The following SCN10A variants were observed in gnomAD, a reference collection of about 807,000 sequenced individuals.
The protein encoded by SCN10A is sodium channel protein type 10 subunit alpha.
SCN10A carries 162 observed loss-of-function variants against 170.7 expected under a neutral mutation model. The ratio of observed to expected loss-of-function variants is 0.95; its 90% CI spans 0.84 to 1.08. SCN10A has a LOEUF of 1.08. SCN10A is among the 50% of genes least tolerant of loss of function. The pLI is 0.00. For missense variants in SCN10A, 2,527 were observed against 2,436.9 expected (o/e 1.04, Z -0.78); for synonymous variants, 985 against 904.6 (o/e 1.09, Z -1.59).
chr3:38,760,804 C>A, intron 7 of SCN10A, 57 bp from the exon 8 acceptor site: 1 of 1,411,422 alleles, frequency 7.1e-7, no homozygotes, highest in Non-Finnish European at 1.0e-6. Flanking sequence ...CCAACCCAAG[C>A]CTTGTGTGGT....
intron 13 of SCN10A, 76 bp downstream of exon 13, chr3:38,749,997 A>G: frequency 1.1e-5 from 9 of 788,936 alleles, no homozygotes; most frequent in Non-Finnish European, 2.0e-5. Context: ...GACACGAGTT[A>G]GAGACATTGC....
At chr3:38,756,333 G>T (rs1393137776) in intron 10 of SCN10A, among the ~76,000 whole-genome samples, 2 of 151,798 alleles carry the variant, frequency 1.3e-5, no homozygotes, top group Non-Finnish European at 2.9e-5. Context: ...TTGCCTCAAG[G>T]TAGGACTAAC....
chr3:38,744,371 C>T (rs201660983), intron 13 of SCN10A, among the ~76,000 whole-genome samples: 1 of 151,584 alleles, frequency 6.6e-6, no homozygotes, highest in East Asian at 1.9e-4. Flanking sequence ...AACTGTGTGC[C>T]CCCAAATTTT....
intron 1 of SCN10A, among the ~76,000 whole-genome samples, chr3:38,814,005 G>T (rs1415047656): frequency 6.6e-6 from 1 of 152,204 alleles, no homozygotes; most frequent in East Asian, 1.9e-4. Context: ...AGGAGAGGGA[G>T]ACCCTCATAA....
chr3:38,747,447 T>C (rs954306389), intron 13 of SCN10A, among the ~76,000 whole-genome samples: 1 of 152,232 alleles, frequency 6.6e-6, no homozygotes, highest in Non-Finnish European at 1.5e-5. Flanking sequence ...ATTTACTACA[T>C]GCCAGTCGTG....
intron 1 of SCN10A, among the ~76,000 whole-genome samples, chr3:38,803,548 G>A (rs1404759971): frequency 6.6e-6 from 1 of 150,936 alleles, no homozygotes; most frequent in African/African-American, 2.4e-5. Flanking sequence ...ACTATCGCAA[G>A]GACAAAAAAC....
At chr3:38,785,480 C>T (rs761751891) in intron 4 of SCN10A, among the ~76,000 whole-genome samples, 7 of 152,046 alleles carry the variant, frequency 4.6e-5, no homozygotes, top group Non-Finnish European at 8.8e-5. Context: ...CAAAAATTAA[C>T]TCAAGATAGA....
At chr3:38,717,986 A>G (rs1278500796) in intron 21 of SCN10A, among the ~76,000 whole-genome samples, 3 of 152,218 alleles carry the variant, frequency 2.0e-5, no homozygotes, top group Admixed American at 6.5e-5. Flanking sequence ...TACTGGCCAC[A>G]GGTTACCATG....
At position 38,709,584 on chromosome 3, in the gene SCN10A, A is replaced by G; in HGVS notation, c.4175T>C (p.Val1392Ala). ...VNMQPKWEDN[V>A]YMYLYFVIFI... is the part of the protein sequence containing the mutation. ...GATGACAAAGTACAAATACATGTAC[A>G]CGTTGTCCTCCCACTTGGGTTGCAT... The change falls in exon 25 of 28, where the codon GTG becomes GCG. Residue 1392 changes from valine to alanine, a missense_variant. Transcript: ENST00000449082. The G allele has an allele frequency of 6.2e-7, 1 of 1,610,410 alleles. No individual in the cohort carries two copies. The highest frequency in any genetic ancestry group is 8.5e-7 in the Non-Finnish European group (1 of 1,178,414).
intron 4 of SCN10A, among the ~76,000 whole-genome samples, chr3:38,786,449 AG>A (rs1460407880): frequency 2.0e-5 from 3 of 151,490 alleles, no homozygotes; most frequent in Non-Finnish European, 2.9e-5. Flanking sequence ...GGATACAGGG[AG>A]GGGGACATCA....
intron 5 of SCN10A, 44 bp downstream of exon 5, chr3:38,771,235 C>G: frequency 1.2e-6 from 2 of 1,603,434 alleles, no homozygotes; most frequent in Non-Finnish European, 1.7e-6. Flanking sequence ...CCATTTTGTC[C>G]CCTCTCCTAT....
chr3:38,784,594 C>G (rs1197103375), intron 4 of SCN10A, among the ~76,000 whole-genome samples: 1 of 152,086 alleles, frequency 6.6e-6, no homozygotes, highest in Non-Finnish European at 1.5e-5. Context: ...CCCTATCTCA[C>G]CACTCTTATT....
In SCN10A at chr3:38,723,544, CG is replaced by C. The variant is rs2063418490; in HGVS notation, c.3237del (p.Asp1079GlufsTer14). The C allele has an allele frequency of 5.6e-6, 9 of 1,594,564 alleles. No individual in the cohort carries two copies. The highest frequency in any genetic ancestry group is 7.7e-6 in the Non-Finnish European group (9 of 1,169,862). On this transcript the variant is annotated frameshift_variant, in exon 19 of 28. Coordinates refer to ENST00000449082, the MANE Select transcript of SCN10A (RefSeq NM_006514.4). LOFTEE classifies it high-confidence loss of function. Reference protein sequence around the residue: ...SVPQVPAEGVDDTSSSEGSTV... With the variant: ...SVPQVPAEGVXDTSSSEGSTV... ...GTGCTGCCCTCAGAGGAGCTTGTGT[CG>C]TCCACTCCCTGCAGGGGAGAAGCCC...
intron 1 of SCN10A, among the ~76,000 whole-genome samples, chr3:38,794,941 C>G (rs891208299): frequency 6.6e-6 from 1 of 152,154 alleles, no homozygotes; most frequent in African/African-American, 2.4e-5. Flanking sequence ...TTTCCTCCTT[C>G]CCTTCTCTTA....
rs2125979134 is a variant in SCN10A, at chr3:38,697,719, A to G, written c.5501T>C (p.Leu1834Pro). The change falls in exon 28 of 28, where the codon CTT becomes CCT. Residue 1834 changes from leucine to proline, a missense_variant. By Grantham distance (98) the Leu-to-Pro change is moderately conservative. Transcript: ENST00000449082. ...TATTGGTTCATAGGATGATTTTGAA[A>G]GATTAGTTGCCATAAACTTCTCCTC... is the stretch of plus-strand genomic sequence containing the variant. ...NMEEKFMATN[L>P]SKSSYEPIAT... 6.2e-7 allele frequency: 1 copy of G among 1,614,174 alleles called. No individual in the cohort carries two copies. The highest frequency in any genetic ancestry group is 2.2e-5 in the East Asian group (1 of 44,876).
chr3:38,766,575 G>C (rs995122955), intron 5 of SCN10A, among the ~76,000 whole-genome samples: 1 of 152,070 alleles, frequency 6.6e-6, no homozygotes, highest in Non-Finnish European at 1.5e-5. Context: ...CTACCTCCCT[G>C]GTATGAAACC....
At chr3:38,776,917 T>C (rs1053825321) in intron 4 of SCN10A, among the ~76,000 whole-genome samples, 2 of 152,044 alleles carry the variant, frequency 1.3e-5, no homozygotes, top group Non-Finnish European at 2.9e-5. Context: ...AGATTTACTA[T>C]ACTAACAGAT....
At chr3:38,717,282 T>C (rs1445712145) in intron 21 of SCN10A, among the ~76,000 whole-genome samples, 1 of 151,820 alleles carries the variant, frequency 6.6e-6, no homozygotes, top group Non-Finnish European at 1.5e-5. Context: ...GACTGAATGG[T>C]TGGATACAAA....
chr3:38,733,711 AATTTATTT>A (rs1230206252), intron 15 of SCN10A, among the ~76,000 whole-genome samples: 1 of 151,698 alleles, frequency 6.6e-6, no homozygotes. Context: ...TTAAATTTAA[AATTTATTT>A]ATTTATTTAT....
Sources: allele counts gnomAD v4.1 joint callset (sites outside exome capture counted in the v4.1 genomes callset), GRCh38; gene constraint gnomAD v4.1.1; transcripts MANE v1.5; gene names NCBI Gene and HGNC (gene_info 2026-07-23, HGNC 2026-07-21).